CPAP: variants seen among roughly 807,000 people sequenced by gnomAD.
CPAP encodes centrosome assembly and centriole elongation protein.
chr13:24,885,130 G>A, the CPAP span: 1 of 648,928 alleles, frequency 1.5e-6, no homozygotes, highest in South Asian at 1.8e-5. Context: ...GAGATTGTAT[G>A]CCGCCTTTTG....
At chr13:24,890,346 T>C in the CPAP span, among the ~76,000 whole-genome samples, 1 of 152,176 alleles carries the variant, frequency 6.6e-6, no homozygotes, top group African/African-American at 2.4e-5. Context: ...AGAAGAATGC[T>C]ACTTTCTCAT....
At chr13:24,896,966 A>T in the CPAP span, among the ~76,000 whole-genome samples, 3 of 152,268 alleles carry the variant, frequency 2.0e-5, no homozygotes, top group Non-Finnish European at 2.9e-5. Flanking sequence ...AGCCATACTA[A>T]ATTTGTAACT....
the CPAP span, among the ~76,000 whole-genome samples, chr13:24,891,089 C>T: frequency 6.6e-6 from 1 of 152,064 alleles, no homozygotes; most frequent in African/African-American, 2.4e-5. Context: ...TCCAGAGAAA[C>T]AGTCCTTCTC....
chr13:24,883,873 C>T, the CPAP span: 3 of 1,467,958 alleles, frequency 2.0e-6, no homozygotes, highest in East Asian at 6.8e-5. Flanking sequence ...TGTCACATAT[C>T]ATCAGAAACG....
At chr13:24,928,689 C>A in the CPAP span, among the ~76,000 whole-genome samples, 10 of 152,306 alleles carry the variant, frequency 6.6e-5, no homozygotes, top group Non-Finnish European at 1.3e-4. Context: ...CTCGGCCTCC[C>A]AAAGTGCTGG....
the CPAP span, among the ~76,000 whole-genome samples, chr13:24,908,435 C>CAAAAAAAAAAAAAAA: frequency 1.2e-5 from 1 of 80,904 alleles, no homozygotes; most frequent in Non-Finnish European, 2.1e-5. Flanking sequence ...CCCGTCTCTA[C>CAAAAAAAAAAAAAAA]AAAAAAAAAA....
At chr13:24,907,058 G>C in the CPAP span, 1 of 1,601,690 alleles carries the variant, frequency 6.2e-7, no homozygotes, top group Non-Finnish European at 8.6e-7. Flanking sequence ...TAAAGCCTTA[G>C]AATGATTTAA....
the CPAP span, among the ~76,000 whole-genome samples, chr13:24,915,577 G>A: frequency 6.6e-6 from 1 of 152,198 alleles, no homozygotes; most frequent in Non-Finnish European, 1.5e-5. Flanking sequence ...GCCGAGGCGG[G>A]TGGATCACCT....
At chr13:24,883,364 C>A in the CPAP span, 1 of 1,597,296 alleles carries the variant, frequency 6.3e-7, no homozygotes, top group South Asian at 1.2e-5. Flanking sequence ...GAGTTTGTTG[C>A]CATCACTGTA....
chr13:24,891,748 A>C, the CPAP span, among the ~76,000 whole-genome samples: 5 of 151,204 alleles, frequency 3.3e-5, no homozygotes, highest in Non-Finnish European at 7.4e-5. Context: ...AGCCCTCCAG[A>C]CTCCCACTCA....
the CPAP span, chr13:24,885,311 C>G: frequency 1.9e-6 from 3 of 1,613,502 alleles, no homozygotes; most frequent in African/African-American, 4.0e-5. Context: ...CCCTGTATGT[C>G]TTGGTCTTCC....
chr13:24,892,699 TC>T, the CPAP span: 1 of 1,614,084 alleles, frequency 6.2e-7, no homozygotes, highest in Non-Finnish European at 8.5e-7. Context: ...TCTGCTCTCT[TC>T]CAGGCATCCA....
At chr13:24,908,758 T>TA in the CPAP span, among the ~76,000 whole-genome samples, 7,093 of 151,118 alleles carry the variant, frequency 0.047, 508 homozygotes, top group African/African-American at 0.16. Flanking sequence ...TTGGATCCTT[T>TA]AAAAAAAAAG....
chr13:24,883,247 G>T, the CPAP span: 3 of 1,613,806 alleles, frequency 1.9e-6, no homozygotes, highest in South Asian at 3.3e-5. Flanking sequence ...TCTGTACTTC[G>T]TTTCTTGATG....
the CPAP span, among the ~76,000 whole-genome samples, chr13:24,921,235 C>G: frequency 1.3e-5 from 2 of 152,158 alleles, no homozygotes; most frequent in Admixed American, 6.5e-5. Context: ...ACTAATTTTG[C>G]CCTCCACCAT....
the CPAP span, chr13:24,903,799 A>T: frequency 9.2e-7 from 1 of 1,087,568 alleles, no homozygotes; most frequent in African/African-American, 1.6e-5. Context: ...TATATGATAC[A>T]GATTTCACCT....
the CPAP span, chr13:24,905,875 T>C: frequency 6.2e-7 from 1 of 1,614,170 alleles, no homozygotes; most frequent in East Asian, 2.2e-5. Flanking sequence ...TGCCCCTCTC[T>C]CTATCCTCAG....
chr13:24,912,768 G>A, the CPAP span: 5 of 1,614,076 alleles, frequency 3.1e-6, no homozygotes, highest in East Asian at 4.5e-5. Flanking sequence ...ACTGTGGTTT[G>A]TAAGGGTTGT....
chr13:24,885,022 T>A, the CPAP span, among the ~76,000 whole-genome samples: 2 of 152,206 alleles, frequency 1.3e-5, no homozygotes, highest in African/African-American at 4.8e-5. Flanking sequence ...AGGATCAGTA[T>A]AAGAAAGGCT....
Sources: allele counts gnomAD v4.1 joint callset (sites outside exome capture counted in the v4.1 genomes callset), GRCh38; gene constraint gnomAD v4.1.1; transcripts MANE v1.5; gene names NCBI Gene and HGNC (gene_info 2026-07-23, HGNC 2026-07-21).